ADGRL3: variants seen among roughly 807,000 people sequenced by gnomAD.
The protein encoded by ADGRL3 is adhesion G protein-coupled receptor L3.
Under a neutral mutation model 153.5 loss-of-function variants are expected in ADGRL3, and 62 were observed. The observed-to-expected ratio is 0.40, with a 90% CI of 0.33 to 0.50. The LOEUF is 0.50. Ranked by LOEUF, ADGRL3 falls within the 20% of genes least tolerant of loss-of-function variation. The probability of loss-of-function intolerance (pLI) is 0.47; values close to 1 mark genes in which losing one functional copy is unlikely to be tolerated. For synonymous variants in ADGRL3, 710 were observed against 672.5 expected (o/e 1.06, Z -0.86); for missense variants, 1,641 against 1,859.4 (o/e 0.88, Z 2.16).
intron 6 of ADGRL3, among the ~76,000 whole-genome samples, chr4:61,685,729 A>G (rs2095430205): frequency 6.6e-6 from 1 of 152,190 alleles, no homozygotes; most frequent in African/African-American, 2.4e-5. Flanking sequence ...ACCACTACTG[A>G]TAATGAAAAT....
intron 2 of ADGRL3, among the ~76,000 whole-genome samples, chr4:61,437,163 T>C (rs1224674014): frequency 6.6e-6 from 1 of 152,174 alleles, no homozygotes; most frequent in Non-Finnish European, 1.5e-5. Context: ...AAAATAGTAG[T>C]GACCAGTACG....
chr4:61,230,221 T>C (rs1560371042), intron 1 of ADGRL3, among the ~76,000 whole-genome samples: 1 of 152,162 alleles, frequency 6.6e-6, no homozygotes, highest in Non-Finnish European at 1.5e-5. Flanking sequence ...AACACAGCTA[T>C]TGGCACATAG....
chr4:61,271,278 C>T (rs2093163265), intron 1 of ADGRL3, among the ~76,000 whole-genome samples: 1 of 151,898 alleles, frequency 6.6e-6, no homozygotes, highest in East Asian at 1.9e-4. Context: ...ACAGAAATGA[C>T]TGTTACCGTG....
intron 8 of ADGRL3, among the ~76,000 whole-genome samples, chr4:61,744,294 A>T (rs1269943335): frequency 6.6e-6 from 1 of 152,188 alleles, no homozygotes; most frequent in Non-Finnish European, 1.5e-5. Flanking sequence ...GGACACAGAC[A>T]AACAAAAAGA....
chr4:62,070,920 G>A lies in ADGRL3; in HGVS notation c.*12G>A, dbSNP rs534180291. 38 of 1,529,068 alleles carry A rather than the reference G, an allele frequency of 2.5e-5. No homozygotes were observed. In the African/African-American group the frequency reaches 4.2e-4, roughly 17 times the overall value. The allele number at this position is 1,529,068 out of a possible 1,614,324, so 94.7% of individuals were successfully genotyped here. A position where few individuals can be genotyped will look rare whatever the true frequency, so the allele number is the denominator to read the frequency against. ...TCACTAGTCTATAGAAGATGACACA[G>A]AAATTGGAACCAACAAAACTGCTAA... On this transcript the variant is annotated 3_prime_UTR_variant, in exon 27 of 27. Transcript: ENST00000683033.
intron 5 of ADGRL3, among the ~76,000 whole-genome samples, 160 bp downstream of exon 5, chr4:61,587,600 T>A (rs2098951576): frequency 6.6e-6 from 1 of 152,154 alleles, no homozygotes; most frequent in Admixed American, 6.6e-5. Flanking sequence ...ACCAAAATGC[T>A]AATTGCAAAC....
intron 8 of ADGRL3, among the ~76,000 whole-genome samples, chr4:61,780,528 G>A (rs1332469552): frequency 6.6e-6 from 1 of 152,124 alleles, no homozygotes; most frequent in Non-Finnish European, 1.5e-5. Context: ...TTAACTTAAG[G>A]CAAAGGTTAT....
intron 1 of ADGRL3, among the ~76,000 whole-genome samples, chr4:61,342,575 T>C (rs2095827636): frequency 6.6e-6 from 1 of 152,078 alleles, no homozygotes; most frequent in South Asian, 2.1e-4. Context: ...CTTTCATATT[T>C]ATCCTCTTTT....
At chr4:61,341,070 A>G (rs977118406) in intron 1 of ADGRL3, among the ~76,000 whole-genome samples, 1 of 151,984 alleles carries the variant, frequency 6.6e-6, no homozygotes, top group African/African-American at 2.4e-5. Flanking sequence ...TGACATTTCC[A>G]TGTGTTAGCA....
At chr4:61,594,131 G>A (rs567230216) in intron 5 of ADGRL3, among the ~76,000 whole-genome samples, 2 of 152,188 alleles carry the variant, frequency 1.3e-5, no homozygotes, top group East Asian at 1.9e-4. Flanking sequence ...TTCAAGTCTA[G>A]CATTTCTGCT....
intron 8 of ADGRL3, among the ~76,000 whole-genome samples, chr4:61,751,363 G>A (rs894061659): frequency 1.3e-5 from 2 of 151,878 alleles, no homozygotes; most frequent in African/African-American, 2.4e-5. Flanking sequence ...TTATTATTTC[G>A]TTTGAGATTA....
intron 2 of ADGRL3, among the ~76,000 whole-genome samples, chr4:61,489,350 T>C (rs766387757): frequency 2.0e-5 from 3 of 147,146 alleles, no homozygotes; most frequent in Non-Finnish European, 1.5e-5. Flanking sequence ...AACAGTAGCT[T>C]AGTTTAAAAA....
intron 1 of ADGRL3, among the ~76,000 whole-genome samples, chr4:61,234,595 AGAAATCAGAAGACG>A (rs1228205215): frequency 6.6e-6 from 1 of 152,218 alleles, no homozygotes; most frequent in Non-Finnish European, 1.5e-5. Flanking sequence ...ATTAGAGGAT[AGAAATCAGAAGACG>A]GAAATCAGAA....
At chr4:61,306,222 C>T (rs987415781) in intron 1 of ADGRL3, among the ~76,000 whole-genome samples, 2 of 152,000 alleles carry the variant, frequency 1.3e-5, no homozygotes, top group Non-Finnish European at 2.9e-5. Flanking sequence ...CTCAGCCTCC[C>T]AGGTAGCTGG....
intron 8 of ADGRL3, among the ~76,000 whole-genome samples, chr4:61,798,134 AC>A (rs968490989): frequency 2.0e-5 from 3 of 152,176 alleles, no homozygotes; most frequent in Non-Finnish European, 2.9e-5. Flanking sequence ...ATTTTCTGAA[AC>A]AATTTTTTTT....
At chr4:61,365,598 G>A (rs569706013) in intron 1 of ADGRL3, among the ~76,000 whole-genome samples, 2 of 152,228 alleles carry the variant, frequency 1.3e-5, no homozygotes, top group Non-Finnish European at 2.9e-5. Flanking sequence ...GAGGCTGGGG[G>A]TATGCCCCAT....
chr4:61,562,618 C>T (rs1385623297), intron 4 of ADGRL3, among the ~76,000 whole-genome samples: 2 of 152,172 alleles, frequency 1.3e-5, no homozygotes, highest in African/African-American at 2.4e-5. Context: ...AACTCCTCTT[C>T]TGTTCAAGTT....
At chr4:61,643,028 G>A (rs1252891330) in intron 5 of ADGRL3, among the ~76,000 whole-genome samples, 1 of 152,046 alleles carries the variant, frequency 6.6e-6, no homozygotes, top group African/African-American at 2.4e-5. Context: ...GGATTCCTAG[G>A]TATTTTATTC....
chr4:61,808,690 A>G (rs1466815707), intron 8 of ADGRL3, among the ~76,000 whole-genome samples: 3 of 151,882 alleles, frequency 2.0e-5, no homozygotes, highest in Admixed American at 1.3e-4. Context: ...GGCATGTCCA[A>G]TTTTCCATCA....
Sources: allele counts gnomAD v4.1 joint callset (sites outside exome capture counted in the v4.1 genomes callset), GRCh38; gene constraint gnomAD v4.1.1; transcripts MANE v1.5; gene names NCBI Gene and HGNC (gene_info 2026-07-23, HGNC 2026-07-21).